The following HSF2BP variants were observed in gnomAD, a reference collection of about 807,000 sequenced individuals.
HSF2BP encodes heat shock factor 2-binding protein.
HSF2BP carries 35 observed loss-of-function variants against 35.0 expected under a neutral mutation model. The observed-to-expected ratio is 1.00, with a 90% CI of 0.76 to 1.32. The LOEUF (loss-of-function observed/expected upper bound fraction) is 1.32, where lower values mean the gene tolerates loss of function less well. HSF2BP is among the 40% of genes most tolerant of loss of function. The pLI, the probability that HSF2BP is intolerant of heterozygous loss-of-function variation, is 0.00. For synonymous variants in HSF2BP, 114 were observed against 117.4 expected (o/e 0.97, Z 0.18); for missense variants, 326 against 321.7 (o/e 1.01, Z -0.10).
At chr21:43,574,050 G>C (rs1396583914) in intron 8 of HSF2BP, among the ~76,000 whole-genome samples, 4 of 152,118 alleles carry the variant, frequency 2.6e-5, no homozygotes, top group Non-Finnish European at 5.9e-5. Context: ...CAGGGCCCGA[G>C]GCAGCCTTTC....
At chr21:43,582,329 G>GGGA (rs1364814350) in intron 8 of HSF2BP, among the ~76,000 whole-genome samples, 3 of 141,716 alleles carry the variant, frequency 2.1e-5, no homozygotes, top group African/African-American at 8.6e-5. Flanking sequence ...GGCCTGTTGC[G>GGGA]GGAGATGAGG....
At position 43,630,341 on chromosome 21, in the gene HSF2BP, A is replaced by C. The variant is rs138271603; in HGVS notation, c.555T>G (p.Ala185=). The C allele has an allele frequency of 1.2e-4, 186 of 1,612,438 alleles. 6 individuals carry two copies. In the East Asian group the frequency reaches 3.2e-3, roughly 28 times the overall value. Residue 185 remains alanine, a synonymous_variant, in exon 6 of 9, where the codon GCT becomes GCG. Coordinates refer to ENST00000291560, the MANE Select transcript of HSF2BP (RefSeq NM_007031.2). ...ACTTACTCGTGACAATTCCAGCCAG[A>C]GCGAAAACAAACTGACTTTCATCCG... ...LDSDESQFVF[A]LAGIVTNVAA... is the part of the protein sequence containing the mutation.
intron 8 of HSF2BP, among the ~76,000 whole-genome samples, chr21:43,587,706 C>A (rs1318116680): frequency 2.0e-5 from 3 of 150,670 alleles, no homozygotes; most frequent in African/African-American, 7.3e-5. Context: ...GGGATGATGT[C>A]CCAGAAGCAA....
chr21:43,587,285 AAAGT>A (rs1353608794), intron 8 of HSF2BP, among the ~76,000 whole-genome samples: 1 of 152,222 alleles, frequency 6.6e-6, no homozygotes, highest in Non-Finnish European at 1.5e-5. Flanking sequence ...TAAAGATTCT[AAAGT>A]AAGATGACCT....
At chr21:43,652,905 C>T (rs569734488) in intron 3 of HSF2BP, among the ~76,000 whole-genome samples, 40 of 152,028 alleles carry the variant, frequency 2.6e-4, no homozygotes, top group Non-Finnish European at 4.4e-4. Context: ...GAGGCCGAGG[C>T]GGGCAGATCA....
chr21:43,656,878 T>C (rs899716161), intron 2 of HSF2BP, 141 bp from the exon 3 acceptor site: 1 of 661,510 alleles, frequency 1.5e-6, no homozygotes, highest in East Asian at 2.7e-5. Context: ...TATTCTGCTA[T>C]AGATATATTT....
chr21:43,612,295 C>T (rs79593008), intron 7 of HSF2BP, among the ~76,000 whole-genome samples: 1,588 of 152,106 alleles, frequency 0.01, 21 homozygotes, highest in African/African-American at 0.033. Context: ...CAAGAGACAC[C>T]GAGGCCAGGA....
At chr21:43,598,021 C>T (rs1390173464) in intron 7 of HSF2BP, among the ~76,000 whole-genome samples, 2 of 152,122 alleles carry the variant, frequency 1.3e-5, no homozygotes, top group Non-Finnish European at 2.9e-5. Context: ...AAGCAAGCTC[C>T]GTGCCTTATC....
chr21:43,643,883 A>T (rs1475765163), intron 4 of HSF2BP, among the ~76,000 whole-genome samples: 1 of 151,708 alleles, frequency 6.6e-6, no homozygotes, highest in Non-Finnish European at 1.5e-5. Context: ...TGAACCCAGG[A>T]GGCGGAGCTT....
At chr21:43,496,032 C>T in the HSF2BP span, among the ~76,000 whole-genome samples, 3 of 132,456 alleles carry the variant, frequency 2.3e-5, 1 homozygote, top group Non-Finnish European at 3.4e-5. Context: ...CACACACACA[C>T]ACACACACAC....
chr21:43,630,394 A>C lies in HSF2BP; in HGVS notation c.502T>G (p.Leu168Val). The change falls in exon 6 of 9, where the codon TTA (leucine) becomes GTA (valine). Residue 168 changes from leucine (L) to valine (V), a missense_variant. By Grantham distance (32) the Leu-to-Val change is conservative (BLOSUM62 1). Coordinates refer to ENST00000291560, the MANE Select transcript of HSF2BP (RefSeq NM_007031.2). Reference protein sequence around the residue: ...GQTMESFVKSLDGDVQELDSD... With the variant: ...GQTMESFVKSVDGDVQELDSD... ...TCCAGCTCCTGGACATCACCGTCTA[A>C]CGACTTCACAAAACTCTCCATTGTT... 1 of 1,613,840 alleles carries C rather than the reference A, an allele frequency of 6.2e-7. No homozygotes were observed. The highest frequency in any genetic ancestry group is 8.5e-7 in the Non-Finnish European group (1 of 1,179,940).
chr21:43,592,779 C>T (rs1160058634), intron 7 of HSF2BP, among the ~76,000 whole-genome samples: 3 of 152,158 alleles, frequency 2.0e-5, no homozygotes, highest in Admixed American at 2.0e-4. Flanking sequence ...CACAGGACTA[C>T]ATAATCACAG....
At chr21:43,603,165 G>T (rs1462188753) in intron 7 of HSF2BP, among the ~76,000 whole-genome samples, 1 of 152,180 alleles carries the variant, frequency 6.6e-6, no homozygotes, top group Admixed American at 6.5e-5. Context: ...TATCAAGGAG[G>T]ATGGAAACGC....
intron 6 of HSF2BP, among the ~76,000 whole-genome samples, chr21:43,624,287 C>T (rs904226344): frequency 6.6e-6 from 1 of 152,178 alleles, no homozygotes; most frequent in African/African-American, 2.4e-5. Context: ...AACAGAAGAC[C>T]AGTAAGTTTA....
intron 8 of HSF2BP, among the ~76,000 whole-genome samples, chr21:43,578,583 C>T (rs944792615): frequency 2.6e-5 from 4 of 152,200 alleles, no homozygotes; most frequent in Non-Finnish European, 4.4e-5. Context: ...CTCCATGCTG[C>T]GACGAGCTCG....
chr21:43,649,055 A>G (rs2082746641), intron 3 of HSF2BP, among the ~76,000 whole-genome samples: 1 of 151,936 alleles, frequency 6.6e-6, no homozygotes, highest in African/African-American at 2.4e-5. Flanking sequence ...TCATTTATTT[A>G]ATTAAAAAAA....
intron 7 of HSF2BP, among the ~76,000 whole-genome samples, chr21:43,610,862 G>A (rs2082195575): frequency 6.6e-6 from 1 of 152,130 alleles, no homozygotes; most frequent in Admixed American, 6.5e-5. Flanking sequence ...AGTTTATCAA[G>A]GATGCTCACT....
intron 3 of HSF2BP, among the ~76,000 whole-genome samples, chr21:43,645,659 C>A (rs1326872302): frequency 1.3e-5 from 2 of 152,166 alleles, no homozygotes; most frequent in Non-Finnish European, 2.9e-5. Context: ...CTGTCACTTG[C>A]GATGAGTGAG....
intron 4 of HSF2BP, among the ~76,000 whole-genome samples, chr21:43,639,396 T>A (rs2082606454): frequency 6.6e-6 from 1 of 152,070 alleles, no homozygotes; most frequent in African/African-American, 2.4e-5. Context: ...TTGCAAAACA[T>A]ATACTCAGCA....
Sources: gnomAD v4.1 joint callset for allele counts (sites outside exome capture counted in the v4.1 genomes callset) on GRCh38, gnomAD v4.1.1 for gene constraint, MANE v1.5 for transcripts, NCBI Gene and HGNC (gene_info 2026-07-23, HGNC 2026-07-21) for gene names.